The following BAZ2B variants were observed in gnomAD, a reference collection of about 807,000 sequenced individuals.
BAZ2B encodes bromodomain adjacent to zinc finger domain protein 2B.
Under a neutral mutation model 246.0 loss-of-function variants are expected in BAZ2B, and 91 were observed. That is an observed-to-expected ratio of 0.37 (90% CI 0.31 to 0.44). The LOEUF is 0.44. Among genes scored for constraint, BAZ2B ranks in the 20% least tolerant of loss-of-function variants. BAZ2B has a pLI of 1.00. For missense variants in BAZ2B, 2,332 were observed against 2,533.7 expected (o/e 0.92, Z 1.71); for synonymous variants, 855 against 860.0 (o/e 0.99, Z 0.10).
rs2062511192 is a variant in BAZ2B, at chr2:159,319,991, C to G, written c.*274G>C. 4.0e-6 allele frequency: 1 copy of G among 250,168 alleles called. No homozygotes were observed. The highest frequency in any genetic ancestry group is 7.5e-6 in the Non-Finnish European group (1 of 133,316). 15.5% of individuals were successfully genotyped at this position (250,168 alleles called of 1,614,324 possible). On this transcript the variant is annotated 3_prime_UTR_variant, in exon 37 of 37. Transcript: ENST00000392783. The surrounding 1 kb of genome is among the most constrained non-coding windows in gnomAD (Gnocchi z 4.0). ...TTGATATATTTTAATTGCTATTGCA[C>G]TATAACACCCTTTCCTTTGAAAATT... is the stretch of plus-strand genomic sequence containing the variant.
Position 159,400,761 on chromosome 2 carries a change from TCAGGCG to T in BAZ2B, c.2833-103_2833-98del, listed in dbSNP as rs2064872742. 4 of 707,790 alleles carry T rather than the reference TCAGGCG, an allele frequency of 5.7e-6. No homozygotes were observed. The East Asian group carries it at 1.3e-4, about 22-fold the overall frequency. The allele number at this position is 707,790 out of a possible 1,614,324, so 43.8% of individuals were successfully genotyped here. On this transcript the variant is annotated intron_variant, in intron 16 of 36. Coordinates refer to ENST00000392783, the MANE Select transcript of BAZ2B (RefSeq NM_013450.4). ...AAATAATTAAAAATATAAGTACAGG[TCAGGCG>T]CAGTGGCTCACACCTGTAATCCCAG... is the stretch of plus-strand genomic sequence containing the variant.
At chr2:159,654,819 A>T in the BAZ2B span, among the ~76,000 whole-genome samples, 1 of 152,080 alleles carries the variant, frequency 6.6e-6, no homozygotes, top group African/African-American at 2.4e-5. Flanking sequence ...TACAAAAATT[A>T]GCTGGGCATG....
At chr2:159,660,687 C>T in the BAZ2B span, among the ~76,000 whole-genome samples, 11,643 of 152,148 alleles carry the variant, frequency 0.077, 941 homozygotes, top group African/African-American at 0.2. Context: ...GCAACCTCCA[C>T]CTTCCATGTT....
the BAZ2B span, among the ~76,000 whole-genome samples, chr2:159,671,075 A>G: frequency 6.6e-6 from 1 of 152,136 alleles, no homozygotes; most frequent in Non-Finnish European, 1.5e-5. Context: ...GTTTCAGTTT[A>G]TAAGTGTGTC....
intron 27 of BAZ2B, among the ~76,000 whole-genome samples, chr2:159,356,838 G>T (rs1489569767): frequency 1.3e-5 from 2 of 152,168 alleles, no homozygotes; most frequent in Admixed American, 6.5e-5. Flanking sequence ...GCAAACAAGG[G>T]TCTGGAGTGG....
intron 2 of BAZ2B, among the ~76,000 whole-genome samples, chr2:159,480,806 T>G (rs2079146845): frequency 1.3e-5 from 2 of 152,234 alleles, no homozygotes; most frequent in East Asian, 3.9e-4. Flanking sequence ...GGGCTTAACT[T>G]CTTAAAAACA....
At chr2:159,689,969 G>A in the BAZ2B span, 1 of 364,304 alleles carries the variant, frequency 2.7e-6, no homozygotes, top group South Asian at 3.8e-5. Flanking sequence ...TTCGATCATT[G>A]TCTGCCATTT....
chr2:159,437,612 C>T (rs1044615754), intron 8 of BAZ2B: 3 of 152,088 alleles, frequency 2.0e-5, no homozygotes, highest in Admixed American at 1.3e-4. Context: ...CTTGAGTTCA[C>T]TTCTTTGAAA....
intron 2 of BAZ2B, among the ~76,000 whole-genome samples, chr2:159,520,842 C>T (rs530872049): frequency 9.9e-5 from 15 of 152,176 alleles, no homozygotes; most frequent in East Asian, 5.8e-4. Context: ...CTCAAAATGA[C>T]GAAGATTAAA....
intron 1 of BAZ2B, among the ~76,000 whole-genome samples, chr2:159,557,987 G>C (rs2089406574): frequency 6.6e-6 from 1 of 151,906 alleles, no homozygotes; most frequent in Admixed American, 6.6e-5. Flanking sequence ...ATGATAATGA[G>C]GGTCTGGATA....
rs1486791884 is a variant in BAZ2B, at chr2:159,599,621, A to AT, written c.-46+16620_-46+16621insA. On this transcript the variant is annotated intron_variant, in intron 1 of 36. Transcript: ENST00000392783. ...CAACAAGAGGGAAACTCTGTCTCAAAAAAAAAAAAGAAAAAAGAAAAAAAG... is the reference window on the plus strand; with the variant it reads ...CAACAAGAGGGAAACTCTGTCTCAAATAAAAAAAAAGAAAAAAGAAAAAAAG... Among the ~76,000 whole-genome samples the AT allele has an allele frequency of 5.4e-5, 8 of 147,498 alleles. No individual in the cohort carries two copies. In the East Asian group the frequency reaches 1.2e-3, roughly 22 times the overall value.
chr2:159,606,459 T>C (rs999274304), intron 1 of BAZ2B, among the ~76,000 whole-genome samples: 3 of 152,210 alleles, frequency 2.0e-5, no homozygotes, highest in Non-Finnish European at 4.4e-5. Flanking sequence ...GTGCTTCCTA[T>C]GTCATCACAA....
intron 21 of BAZ2B, 93 bp from the exon 22 acceptor site, chr2:159,386,700 CT>C: frequency 4.4e-6 from 6 of 1,359,664 alleles, no homozygotes; most frequent in Non-Finnish European, 4.9e-6. Context: ...AAGCTGCTAC[CT>C]TTTTTCCCCT....
the BAZ2B span, among the ~76,000 whole-genome samples, chr2:159,674,948 G>A: frequency 2.2e-4 from 33 of 152,276 alleles, no homozygotes; most frequent in African/African-American, 7.5e-4. Context: ...TAACATTGGA[G>A]CAGCATTTTT....
chr2:159,474,807 G>T (rs571466750), intron 3 of BAZ2B, among the ~76,000 whole-genome samples: 3 of 152,026 alleles, frequency 2.0e-5, no homozygotes, highest in Admixed American at 1.3e-4. Flanking sequence ...TTTCTCCTTC[G>T]CTGTTGAAGC....
intron 1 of BAZ2B, among the ~76,000 whole-genome samples, chr2:159,603,779 G>A (rs1692745704): frequency 6.6e-6 from 1 of 151,766 alleles, no homozygotes; most frequent in Non-Finnish European, 1.5e-5. Context: ...TAATGTCCTT[G>A]TCACTTAATC....
intron 2 of BAZ2B, chr2:159,536,411 T>C (rs2085998432): frequency 6.6e-6 from 1 of 152,210 alleles, no homozygotes; most frequent in African/African-American, 2.4e-5. Context: ...TAATAGCGTA[T>C]TTAAATTTGT....
chr2:159,410,415 T>C (rs916388563), intron 14 of BAZ2B, among the ~76,000 whole-genome samples: 15 of 152,106 alleles, frequency 9.9e-5, no homozygotes, highest in African/African-American at 3.4e-4. Flanking sequence ...ATGAGGGGGT[T>C]TCCCCCCATG....
chr2:159,598,428 T>C (rs1691287197), intron 1 of BAZ2B, among the ~76,000 whole-genome samples: 1 of 152,252 alleles, frequency 6.6e-6, no homozygotes. Context: ...TAAGATTATA[T>C]AGATAACACA....
Sources: allele counts gnomAD v4.1 joint callset (sites outside exome capture counted in the v4.1 genomes callset), GRCh38; gene constraint gnomAD v4.1.1; non-coding constraint Gnocchi (gnomAD v3.1); transcripts MANE v1.5; gene names NCBI Gene and HGNC (gene_info 2026-07-23, HGNC 2026-07-21).